Variants in TMEM181 observed in about 807,000 individuals in gnomAD.
The protein encoded by TMEM181 is G protein-coupled receptor 178.
A neutral mutation model predicts 71.9 loss-of-function variants in TMEM181; 39 were observed. The observed-to-expected ratio is 0.54, with a 90% CI of 0.42 to 0.71. The LOEUF (loss-of-function observed/expected upper bound fraction) is 0.71, where lower values mean the gene tolerates loss of function less well. Among genes scored for constraint, TMEM181 ranks in the 30% least tolerant of loss-of-function variants. The pLI is 0.00. For missense variants in TMEM181, 595 were observed against 583.0 expected (o/e 1.02, Z -0.21); for synonymous variants, 245 against 228.8 (o/e 1.07, Z -0.64).
At chr6:158,614,489 A>AAAT (rs1554228829) in intron 10 of TMEM181, among the ~76,000 whole-genome samples, 9 of 151,864 alleles carry the variant, frequency 5.9e-5, no homozygotes, top group African/African-American at 2.2e-4. Context: ...TTTAAAAAAA[A>AAAT]TTTTTTTTTA....
At chr6:158,624,874 C>T (rs1356600954) in intron 11 of TMEM181, among the ~76,000 whole-genome samples, 3 of 152,210 alleles carry the variant, frequency 2.0e-5, no homozygotes, top group African/African-American at 4.8e-5. Context: ...GGGCTCTGCT[C>T]CGCTGATTTG....
rs1785100501 is a variant in TMEM181 at position 158,608,562 on chromosome 6, G to C, written c.805-97G>C. 5 of 1,605,012 alleles carry C rather than the reference G, an allele frequency of 3.1e-6. No individual in the cohort carries two copies. In the Admixed American group the frequency reaches 8.4e-5, roughly 27 times the overall value. ...CAGAAAGGTGAATTTATCCATGGAAGCCTGTCTGCAGGCCCATACTCAATG... is the reference window on the plus strand; with the variant it reads ...CAGAAAGGTGAATTTATCCATGGAACCCTGTCTGCAGGCCCATACTCAATG... On this transcript the variant is annotated intron_variant, in intron 9 of 16. Coordinates refer to ENST00000684151, the MANE Select transcript of TMEM181 (RefSeq NM_001376852.1).
chr6:158,616,725 T>G (rs1785637264), intron 10 of TMEM181, among the ~76,000 whole-genome samples: 1 of 152,264 alleles, frequency 6.6e-6, no homozygotes, highest in Non-Finnish European at 1.5e-5. Context: ...AGGCCTTTTC[T>G]GCATCTATTG....
At chr6:158,543,222 A>G (rs1212481739) in intron 1 of TMEM181, among the ~76,000 whole-genome samples, 1 of 152,158 alleles carries the variant, frequency 6.6e-6, no homozygotes, top group Non-Finnish European at 1.5e-5. Flanking sequence ...TTGAGAGGAA[A>G]AAATAAAGAT....
At chr6:158,590,650 G>A (rs1784057131) in intron 6 of TMEM181, among the ~76,000 whole-genome samples, 1 of 152,212 alleles carries the variant, frequency 6.6e-6, no homozygotes, top group Non-Finnish European at 1.5e-5. Flanking sequence ...TTTTAGTAGA[G>A]ACAGAGTTTC....
intron 5 of TMEM181, among the ~76,000 whole-genome samples, chr6:158,587,673 G>A (rs1157134326): frequency 3.3e-5 from 5 of 149,440 alleles, no homozygotes; most frequent in Non-Finnish European, 5.9e-5. Context: ...GCCATTGTCT[G>A]ACTTAGGTAG....
chr6:158,628,387 C>T, intron 13 of TMEM181, 21 bp from the exon 14 acceptor site: 1 of 1,613,368 alleles, frequency 6.2e-7, no homozygotes, highest in Non-Finnish European at 8.5e-7. Flanking sequence ...CATATTGTCT[C>T]TGCTCCTCTG....
At chr6:158,588,355 G>A (rs571551147) in intron 5 of TMEM181, among the ~76,000 whole-genome samples, 9 of 152,168 alleles carry the variant, frequency 5.9e-5, no homozygotes, top group Non-Finnish European at 1.3e-4. Flanking sequence ...CCTCCTCTCT[G>A]CTTTCTCCCC....
chr6:158,571,253 C>T (rs554075618), intron 1 of TMEM181, among the ~76,000 whole-genome samples: 13 of 152,252 alleles, frequency 8.5e-5, no homozygotes, highest in African/African-American at 2.4e-4. Flanking sequence ...CCCGCCACCG[C>T]GCCCGGCTAA....
At chr6:158,619,756 C>G (rs1446398585) in intron 10 of TMEM181, among the ~76,000 whole-genome samples, 1 of 151,230 alleles carries the variant, frequency 6.6e-6, no homozygotes, top group Non-Finnish European at 1.5e-5. Context: ...GTAGTCCCAG[C>G]TACTTGGGAG....
Position 158,607,361 on chromosome 6 carries a change from T to C in TMEM181, c.673+18T>C, listed in dbSNP as rs1785010242. On this transcript the variant is annotated intron_variant, in intron 8 of 16. Coordinates refer to ENST00000684151, the MANE Select transcript of TMEM181 (RefSeq NM_001376852.1). ...TTACAATGGTGGGTAGTTCCATTTT[T>C]ACTTAGGAACTTTTCCCTTTAAAAT... 6.2e-7 allele frequency: 1 copy of C among 1,607,682 alleles called. No individual in the cohort carries two copies. Among genetic ancestry groups the C allele is most frequent in the Non-Finnish European group, 8.5e-7 (1 of 1,174,184 alleles).
In TMEM181 at chr6:158,562,478, T is replaced by TGTGTGTC. The variant is rs1554302369; in HGVS notation, c.8+2247_8+2248insTGTGTCG. 3.5e-3 allele frequency among the ~76,000 whole-genome samples: 410 copies of TGTGTGTC among 116,312 alleles called. 3 individuals are homozygous for TGTGTGTC. The highest frequency in any genetic ancestry group is 0.011 in the African/African-American group (358 of 31,704). The allele number at this position is 116,312 out of a possible 152,430, so 76.3% of individuals were successfully genotyped here. On this transcript the variant is annotated intron_variant, in intron 1 of 16. Transcript: ENST00000684151. ...TGTGTGTGTGTGTGTGTGTGTGTCT[T>TGTGTGTC]GCTTGGCACGTGAAGCCATTTTTTA...
chr6:158,605,137 T>TGTGG, intron 6 of TMEM181, 130 bp from the exon 7 acceptor site: 1 of 372,588 alleles, frequency 2.7e-6, no homozygotes, highest in Non-Finnish European at 4.8e-6. Context: ...AAAAAGTGTG[T>TGTGG]GTGTGTGTGT....
At chr6:158,544,027 T>A (rs1398820317) in intron 1 of TMEM181, among the ~76,000 whole-genome samples, 1 of 152,134 alleles carries the variant, frequency 6.6e-6, no homozygotes, top group African/African-American at 2.4e-5. Context: ...TCTTATAGGA[T>A]GATCTCAGAT....
intron 10 of TMEM181, chr6:158,621,723 C>G (rs763461770): frequency 6.6e-6 from 1 of 152,446 alleles, no homozygotes; most frequent in Non-Finnish European, 1.5e-5. Flanking sequence ...TCAGAATGAT[C>G]CGATATTTAC....
rs533688698 is a variant in TMEM181, at chr6:158,571,534, G to A, written c.9-1886G>A. On this transcript the variant is annotated intron_variant, in intron 1 of 16. Transcript: ENST00000684151. ...AGGATGGTCTCAATCTCCTGACCTC[G>A]TGATCCGCCCGCCTTGGCCTCCCAA... is the stretch of plus-strand genomic sequence containing the variant. 5.9e-4 allele frequency among the ~76,000 whole-genome samples: 88 copies of A among 150,344 alleles called. 16 individuals are homozygous for A. The highest frequency in any genetic ancestry group is 1.3e-3 in the Admixed American group (20 of 15,030).
At chr6:158,582,458 C>T (rs1783533409) in intron 3 of TMEM181, among the ~76,000 whole-genome samples, 2 of 152,100 alleles carry the variant, frequency 1.3e-5, no homozygotes, top group South Asian at 4.1e-4. Flanking sequence ...AAAACACATT[C>T]ACTTGAGACT....
chr6:158,587,710 G>A (rs139267823), intron 5 of TMEM181, among the ~76,000 whole-genome samples: 1 of 151,854 alleles, frequency 6.6e-6, no homozygotes, highest in Non-Finnish European at 1.5e-5. Context: ...TTGCAGGTGG[G>A]AAAGCTGAGG....
chr6:158,601,403 C>T (rs1208804183), intron 6 of TMEM181, among the ~76,000 whole-genome samples: 3 of 151,898 alleles, frequency 2.0e-5, no homozygotes, highest in Admixed American at 6.6e-5. Context: ...CAGAATTAGC[C>T]GGGCATGGTG....
Sources: gnomAD v4.1 joint callset for allele counts (sites outside exome capture counted in the v4.1 genomes callset) on GRCh38, gnomAD v4.1.1 for gene constraint, MANE v1.5 for transcripts, NCBI Gene and HGNC (gene_info 2026-07-23, HGNC 2026-07-21) for gene names.